The following TBC1D14 variants were observed in gnomAD, a reference collection of about 807,000 sequenced individuals.
TBC1D14 encodes TBC1 domain family, member 14.
Under a neutral mutation model 79.0 loss-of-function variants are expected in TBC1D14, and 26 were observed. The ratio of observed to expected loss-of-function variants is 0.33; its 90% confidence interval spans 0.24 to 0.46. The LOEUF is 0.46. TBC1D14 is among the 20% of genes least tolerant of loss of function. The pLI is 1.00. For missense variants in TBC1D14, 769 were observed against 887.6 expected, an observed-to-expected ratio of 0.87 and a Z score of 1.70; for synonymous variants, 394 against 349.9, an observed-to-expected ratio of 1.13 and a Z score of -1.40.
chr4:6,983,252 G>A (rs1417204504), intron 3 of TBC1D14, among the ~76,000 whole-genome samples: 1 of 152,076 alleles, frequency 6.6e-6, no homozygotes, highest in Non-Finnish European at 1.5e-5. Context: ...GATTACAGGC[G>A]TGAGCCACCG....
At chr4:6,944,358 G>A (rs1713219690) in intron 2 of TBC1D14, among the ~76,000 whole-genome samples, 1 of 152,210 alleles carries the variant, frequency 6.6e-6, no homozygotes, top group Non-Finnish European at 1.5e-5. Flanking sequence ...CCAGCAATAA[G>A]GAAATGGCTT....
intron 3 of TBC1D14, among the ~76,000 whole-genome samples, chr4:6,977,853 C>T (rs1398062450): frequency 6.6e-6 from 1 of 151,040 alleles, no homozygotes; most frequent in African/African-American, 2.4e-5. Context: ...TCTGCCCGGC[C>T]GCCCATCGTC....
chr4:6,921,522 ATTTTTTAT>A (rs1010394490), intron 1 of TBC1D14, among the ~76,000 whole-genome samples: 1 of 151,224 alleles, frequency 6.6e-6, no homozygotes, highest in South Asian at 2.1e-4. Flanking sequence ...AGAGAACTTT[ATTTTTTAT>A]TTTTTTATTT....
intron 2 of TBC1D14, among the ~76,000 whole-genome samples, chr4:6,946,083 G>T (rs985906821): frequency 2.6e-5 from 4 of 152,126 alleles, no homozygotes; most frequent in Admixed American, 2.0e-4. Context: ...CGCACGATCT[G>T]AGGCAAGGTT....
At chr4:6,912,203 A>C (rs1325912665) in intron 1 of TBC1D14, among the ~76,000 whole-genome samples, 1 of 152,042 alleles carries the variant, frequency 6.6e-6, no homozygotes, top group African/African-American at 2.4e-5. Context: ...ATCCTGGCCA[A>C]CATGGTGAAA....
chr4:6,975,215 G>T (rs1329540444), intron 3 of TBC1D14, among the ~76,000 whole-genome samples: 2 of 148,700 alleles, frequency 1.3e-5, no homozygotes, highest in South Asian at 2.1e-4. Flanking sequence ...CGCCCGGCCT[G>T]TTTTTTGTTT....
At chr4:7,003,073 C>T (rs1013273382) in intron 7 of TBC1D14, among the ~76,000 whole-genome samples, 2 of 152,142 alleles carry the variant, frequency 1.3e-5, no homozygotes, top group African/African-American at 2.4e-5. Context: ...TAGTGAAAGT[C>T]GACCTAATAG....
intron 2 of TBC1D14, among the ~76,000 whole-genome samples, chr4:6,934,228 G>A (rs1160058850): frequency 1.3e-5 from 2 of 151,846 alleles, no homozygotes; most frequent in Non-Finnish European, 2.9e-5. Context: ...GAGGCCTGCC[G>A]GCACCAGGAG....
At chr4:7,004,328 CT>C (rs764940218) in intron 7 of TBC1D14, among the ~76,000 whole-genome samples, 18 of 152,260 alleles carry the variant, frequency 1.2e-4, no homozygotes, top group Non-Finnish European at 2.4e-4. Flanking sequence ...CCCACCCCTG[CT>C]TCACTGCCAG....
At chr4:6,927,756 T>C (rs1463728099) in intron 2 of TBC1D14, among the ~76,000 whole-genome samples, 1 of 152,194 alleles carries the variant, frequency 6.6e-6, no homozygotes, top group African/African-American at 2.4e-5. Flanking sequence ...GAGCCAAAAA[T>C]GTCTCCAGAC....
intron 3 of TBC1D14, among the ~76,000 whole-genome samples, chr4:6,988,896 T>C (rs1378862324): frequency 2.2e-5 from 3 of 139,070 alleles, no homozygotes; most frequent in Non-Finnish European, 4.7e-5. Context: ...TTTTTTTTTT[T>C]TTTTTTTTTT....
At chr4:6,925,761 C>T (rs893419685) in intron 2 of TBC1D14, among the ~76,000 whole-genome samples, 2 of 152,118 alleles carry the variant, frequency 1.3e-5, no homozygotes, top group Admixed American at 6.5e-5. Flanking sequence ...GTAGCCATAT[C>T]GCGGTGTTGC....
intron 5 of TBC1D14, among the ~76,000 whole-genome samples, chr4:6,996,694 C>G (rs1294107273): frequency 6.6e-6 from 1 of 152,234 alleles, no homozygotes; most frequent in Admixed American, 6.5e-5. Flanking sequence ...AAGGAGGCCT[C>G]TTCCATCCCA....
intron 7 of TBC1D14, among the ~76,000 whole-genome samples, chr4:7,004,108 A>G (rs1719944642): frequency 6.6e-6 from 1 of 152,190 alleles, no homozygotes; most frequent in Admixed American, 6.5e-5. Flanking sequence ...CAGCCTTCAC[A>G]CTTGTCCTTG....
At chr4:6,948,847 G>T (rs1226253147) in intron 2 of TBC1D14, among the ~76,000 whole-genome samples, 2 of 151,516 alleles carry the variant, frequency 1.3e-5, no homozygotes, top group Non-Finnish European at 2.9e-5. Flanking sequence ...TTACAGGCGT[G>T]AGCCACCACG....
intron 1 of TBC1D14, among the ~76,000 whole-genome samples, chr4:6,921,274 G>T (rs1038229623): frequency 6.6e-6 from 1 of 151,858 alleles, no homozygotes; most frequent in Non-Finnish European, 1.5e-5. Context: ...GTGTTATCAG[G>T]GTTCACTGCA....
chr4:6,998,313 T>C (rs1184434152), intron 5 of TBC1D14, among the ~76,000 whole-genome samples: 3 of 150,620 alleles, frequency 2.0e-5, no homozygotes, highest in Admixed American at 1.3e-4. Flanking sequence ...TGAGCCAAGA[T>C]TGCATCACTG....
At chr4:6,936,659 C>A (rs1268714143) in intron 2 of TBC1D14, among the ~76,000 whole-genome samples, 1 of 152,164 alleles carries the variant, frequency 6.6e-6, no homozygotes, top group Non-Finnish European at 1.5e-5. Flanking sequence ...CGTGCAGTGG[C>A]TAGATTATAT....
intron 3 of TBC1D14, chr4:6,987,197 G>T: frequency 8.2e-7 from 1 of 1,224,552 alleles, no homozygotes; most frequent in South Asian, 3.4e-5. Flanking sequence ...GCGCGCGATT[G>T]AGCGGCCTGC....
Sources: gnomAD v4.1 joint callset for allele counts (sites outside exome capture counted in the v4.1 genomes callset) on GRCh38, gnomAD v4.1.1 for gene constraint, MANE v1.5 for transcripts, NCBI Gene and HGNC (gene_info 2026-07-23, HGNC 2026-07-21) for gene names.